Variants in SPMIP2 observed in about 807,000 individuals in gnomAD.
SPMIP2 encodes the protein sperm microtubule inner protein 2.
chr4:159,026,495 C>T, the SPMIP2 span: 2 of 676,678 alleles, frequency 3.0e-6, no homozygotes, highest in Non-Finnish European at 5.4e-6. Flanking sequence ...AACAATGTCA[C>T]CTGTTCTCAG....
chr4:158,905,654 A>C, the SPMIP2 span: 1 of 151,126 alleles, frequency 6.6e-6, no homozygotes, highest in Non-Finnish European at 1.5e-5. Context: ...TAACTTACAC[A>C]TTGTATAAAA....
chr4:158,952,683 A>G, the SPMIP2 span, among the ~76,000 whole-genome samples: 8 of 152,200 alleles, frequency 5.3e-5, no homozygotes, highest in Non-Finnish European at 1.0e-4. Context: ...GGAAAATGTG[A>G]GAAAGTTTGG....
At chr4:158,916,635 GTA>G in the SPMIP2 span, among the ~76,000 whole-genome samples, 4 of 151,540 alleles carry the variant, frequency 2.6e-5, no homozygotes, top group Non-Finnish European at 2.9e-5. Flanking sequence ...ATGTATGTAT[GTA>G]TGTATGTATG....
the SPMIP2 span, among the ~76,000 whole-genome samples, chr4:159,016,497 CATTTTCTAGCTCCCA>C: frequency 6.6e-6 from 1 of 152,150 alleles, no homozygotes; most frequent in South Asian, 2.1e-4. Context: ...AATTACAGAT[CATTTTCTAGCTCCCA>C]ATTTTCTAGT....
At chr4:158,937,996 G>C in the SPMIP2 span, among the ~76,000 whole-genome samples, 1 of 152,302 alleles carries the variant, frequency 6.6e-6, no homozygotes, top group South Asian at 2.1e-4. Flanking sequence ...TTTATGATCT[G>C]TTTTACATCA....
the SPMIP2 span, among the ~76,000 whole-genome samples, chr4:159,018,415 A>G: frequency 2.6e-5 from 4 of 152,364 alleles, no homozygotes; most frequent in Middle Eastern, 3.4e-3. Flanking sequence ...CTGACACAGT[A>G]CGAACCTGCC....
At chr4:158,968,368 G>A in the SPMIP2 span, among the ~76,000 whole-genome samples, 7 of 152,248 alleles carry the variant, frequency 4.6e-5, no homozygotes, top group East Asian at 7.7e-4. Flanking sequence ...ATTATATTGC[G>A]TGCAAATGAT....
the SPMIP2 span, among the ~76,000 whole-genome samples, chr4:159,060,560 G>A: frequency 6.6e-6 from 1 of 152,204 alleles, no homozygotes; most frequent in Non-Finnish European, 1.5e-5. Flanking sequence ...GGTAAGGATG[G>A]TGTACGCCAG....
At chr4:158,986,113 C>A in the SPMIP2 span, among the ~76,000 whole-genome samples, 859 of 150,598 alleles carry the variant, frequency 5.7e-3, 11 homozygotes, top group African/African-American at 0.02. Context: ...AACTACAAAC[C>A]ACTGTTCAAG....
At chr4:158,926,654 T>C in the SPMIP2 span, among the ~76,000 whole-genome samples, 2 of 152,200 alleles carry the variant, frequency 1.3e-5, no homozygotes. Context: ...TAAGGTAAAG[T>C]ATCCTATAGA....
At chr4:159,001,771 T>C in the SPMIP2 span, among the ~76,000 whole-genome samples, 1 of 152,232 alleles carries the variant, frequency 6.6e-6, no homozygotes, top group African/African-American at 2.4e-5. Context: ...TTTGATTCAA[T>C]GTCTTTGCTA....
At chr4:158,970,202 G>A in the SPMIP2 span, among the ~76,000 whole-genome samples, 2 of 152,308 alleles carry the variant, frequency 1.3e-5, no homozygotes, top group East Asian at 3.9e-4. Flanking sequence ...GCTGCCTGAA[G>A]CACAGGGTTG....
the SPMIP2 span, among the ~76,000 whole-genome samples, chr4:158,917,653 A>C: frequency 6.7e-6 from 1 of 149,892 alleles, no homozygotes; most frequent in Non-Finnish European, 1.5e-5. Context: ...TTTAAACATC[A>C]CCTTTTCCCT....
chr4:159,026,410 C>A, the SPMIP2 span: 1 of 977,676 alleles, frequency 1.0e-6, no homozygotes. Flanking sequence ...GGTTCAGCAT[C>A]AGGAGTGGGA....
chr4:159,052,341 C>A, the SPMIP2 span, among the ~76,000 whole-genome samples: 1 of 152,078 alleles, frequency 6.6e-6, no homozygotes, highest in African/African-American at 2.4e-5. Context: ...AGCAGAGTGT[C>A]CCATGCTCCA....
the SPMIP2 span, among the ~76,000 whole-genome samples, chr4:159,022,844 A>G: frequency 6.6e-6 from 1 of 152,002 alleles, no homozygotes; most frequent in African/African-American, 2.4e-5. Context: ...ATCCTGGCCA[A>G]CATGTTGAAA....
At chr4:159,072,298 G>A in the SPMIP2 span, among the ~76,000 whole-genome samples, 2 of 152,152 alleles carry the variant, frequency 1.3e-5, no homozygotes, top group African/African-American at 4.8e-5. Context: ...GAGTGATAAA[G>A]TGAGACCCTG....
the SPMIP2 span, among the ~76,000 whole-genome samples, chr4:159,072,120 C>A: frequency 4.6e-5 from 7 of 152,208 alleles, no homozygotes; most frequent in African/African-American, 1.7e-4. Context: ...TTGAGACCAG[C>A]CTGGGCAACA....
the SPMIP2 span, chr4:158,904,666 C>A: frequency 2.3e-6 from 2 of 866,288 alleles, no homozygotes; most frequent in Admixed American, 2.4e-5. Flanking sequence ...AGTCATTCCA[C>A]CTTTTTGTTT....
Sources: allele counts gnomAD v4.1 joint callset (sites outside exome capture counted in the v4.1 genomes callset), GRCh38; gene constraint gnomAD v4.1.1; transcripts MANE v1.5; gene names NCBI Gene and HGNC (gene_info 2026-07-23, HGNC 2026-07-21).